Variants in TSG101 observed in about 807,000 individuals in gnomAD.
TSG101 encodes the protein tumor susceptibility gene 101 protein.
TSG101 carries 19 observed loss-of-function variants against 48.5 expected under a neutral mutation model. That is an observed-to-expected ratio of 0.39 (90% CI 0.27 to 0.58). The LOEUF is 0.58. Ranked by LOEUF, TSG101 falls within the 20% of genes least tolerant of loss-of-function variation. The pLI is 0.55. For synonymous variants in TSG101, 174 were observed against 169.4 expected, an observed-to-expected ratio of 1.03 and a Z score of -0.21; for missense variants, 365 against 484.4, an observed-to-expected ratio of 0.75 and a Z score of 2.31.
chr11:18,505,197 A>T (rs1257382724), intron 6 of TSG101, among the ~76,000 whole-genome samples: 1 of 152,180 alleles, frequency 6.6e-6, no homozygotes, highest in Non-Finnish European at 1.5e-5. Context: ...TAGTAGAGTT[A>T]AATTTTCCTT....
At chr11:18,519,987 T>G (rs1041775418) in intron 1 of TSG101, among the ~76,000 whole-genome samples, 2 of 152,142 alleles carry the variant, frequency 1.3e-5, no homozygotes, top group African/African-American at 4.8e-5. Flanking sequence ...ACATTTGGAG[T>G]TGTGTAACCA....
chr11:18,519,372 A>T lies in TSG101; in HGVS notation c.127+147T>A, dbSNP rs1384385459. 3 of 639,206 alleles carry T rather than the reference A, an allele frequency of 4.7e-6. No homozygotes were observed. In the African/African-American group the frequency reaches 5.7e-5, roughly 12 times the overall value. The allele number at this position is 639,206 out of a possible 1,614,324, so 39.6% of individuals were successfully genotyped here. The stretch of plus-strand genomic sequence containing the variant: ...TGAAATGTTTTTATTAGATCTTCTA[A>T]TTTGCTACCCTCCAACAGTTTTATT... On this transcript the variant is annotated intron_variant, in intron 2 of 9. Transcript: ENST00000251968.
intron 7 of TSG101, among the ~76,000 whole-genome samples, chr11:18,502,025 ACTGC>A (rs758685351): frequency 6.6e-6 from 1 of 152,222 alleles, no homozygotes; most frequent in Admixed American, 6.5e-5. Flanking sequence ...AAATTCTCTC[ACTGC>A]CTTAGTTTTT....
intron 7 of TSG101, among the ~76,000 whole-genome samples, chr11:18,492,749 A>T (rs1452997432): frequency 2.7e-5 from 4 of 150,618 alleles, no homozygotes; most frequent in Non-Finnish European, 4.4e-5. Flanking sequence ...AAACTTTAAA[A>T]AATCGAACTA....
chr11:18,502,109 C>T (rs576948633), intron 7 of TSG101, among the ~76,000 whole-genome samples: 88 of 152,184 alleles, frequency 5.8e-4, no homozygotes, highest in Non-Finnish European at 1.1e-3. Flanking sequence ...TACTGGTCTT[C>T]AATCATTTGT....
intron 5 of TSG101, among the ~76,000 whole-genome samples, chr11:18,508,246 G>C (rs999357206): frequency 7.3e-6 from 1 of 136,288 alleles, no homozygotes; most frequent in Non-Finnish European, 1.5e-5. Context: ...TTTTGATACA[G>C]AGTCTTGCTC....
At position 18,499,381 on chromosome 11, in the gene TSG101, A is replaced by AATATATATATATATATATAT. The variant is rs1229188041; in HGVS notation, c.640+3085_640+3104dup. Among the ~76,000 whole-genome samples the AATATATATATATATATATAT allele has an allele frequency of 4.8e-3, 59 of 12,286 alleles. 10 individuals carry two copies. The highest frequency in any genetic ancestry group is 0.011 in the South Asian group (3 of 280). 8.1% of individuals were successfully genotyped at this position (12,286 alleles called of 152,430 possible). ...TTATATATAAATATGTTTATATTTA[A>AATATATATATATATATATAT]ATATATATATATATATATATATTTT... On this transcript the variant is annotated intron_variant, in intron 7 of 9. Transcript: ENST00000251968.
chr11:18,509,400 G>A (rs1469106162), intron 5 of TSG101, 142 bp downstream of exon 5: 5 of 1,109,902 alleles, frequency 4.5e-6, no homozygotes, highest in Non-Finnish European at 4.9e-6. Flanking sequence ...TGCAGATGTG[G>A]GGCCTCAGAA....
chr11:18,482,057 T>C (rs1020053548), intron 8 of TSG101, among the ~76,000 whole-genome samples, 188 bp from the exon 9 acceptor site: 2 of 152,132 alleles, frequency 1.3e-5, no homozygotes, highest in East Asian at 1.9e-4. Flanking sequence ...CTGAGTGAAA[T>C]AGAGTAATGA....
chr11:18,501,274 T>C (rs1205650348), intron 7 of TSG101, among the ~76,000 whole-genome samples: 4 of 152,218 alleles, frequency 2.6e-5, no homozygotes, highest in African/African-American at 9.6e-5. Context: ...CTTTAATCCA[T>C]CTCAAGTTGA....
chr11:18,515,539 T>A (rs918469738), intron 3 of TSG101, among the ~76,000 whole-genome samples: 1 of 152,206 alleles, frequency 6.6e-6, no homozygotes, highest in Admixed American at 6.5e-5. Flanking sequence ...ATCACCAACA[T>A]CACAACCATA....
In TSG101 at chr11:18,526,939, C is replaced by G. The variant is rs543815401; in HGVS notation, c.-123G>C. ...CTCAAACAACAGGAAGTCGGCACCACTACACCACTTCCGCTTCCACTACGT... is the reference window on the plus strand; with the variant it reads ...CTCAAACAACAGGAAGTCGGCACCAGTACACCACTTCCGCTTCCACTACGT... On this transcript the variant is annotated 5_prime_UTR_variant, in exon 1 of 10. Transcript: ENST00000251968. The G allele has an allele frequency of 9.6e-7, 1 of 1,039,578 alleles. No homozygotes were observed. Among genetic ancestry groups the G allele is most frequent in the Non-Finnish European group, 1.4e-6 (1 of 714,878 alleles). The allele number at this position is 1,039,578 out of a possible 1,614,324, so 64.4% of individuals were successfully genotyped here. A position where few individuals can be genotyped will look rare whatever the true frequency, so the allele number is the denominator to read the frequency against.
Position 18,484,060 on chromosome 11 carries a change from T to A in TSG101, c.653A>T (p.Asp218Val). The change falls in exon 8 of 10, where the codon GAT becomes GTT. Residue 218 changes from aspartate (D) to valine (V), a missense_variant. Coordinates refer to ENST00000251968, the MANE Select transcript of TSG101 (RefSeq NM_006292.4). ...PPVTTVGPSR[D>V]GTISEDTIRA... ...GATGGTGTCCTCGCTGATTGTGCCATCCCTACTGGGACCTGCAGGAAACAG... is the reference window on the plus strand; with the variant it reads ...GATGGTGTCCTCGCTGATTGTGCCAACCCTACTGGGACCTGCAGGAAACAG... 1 of 1,614,132 alleles carries A rather than the reference T, an allele frequency of 6.2e-7. No individual in the cohort carries two copies. The highest frequency in any genetic ancestry group is 8.5e-7 in the Non-Finnish European group (1 of 1,180,020).
At chr11:18,502,600 T>C (rs760396916) in intron 6 of TSG101, 23 bp from the exon 7 acceptor site, 8 of 1,575,732 alleles carry the variant, frequency 5.1e-6, no homozygotes, top group African/African-American at 1.4e-5. Flanking sequence ...ACAAAAAACA[T>C]TTAACATTTA....
At chr11:18,488,857 G>T (rs1435770475) in intron 7 of TSG101, among the ~76,000 whole-genome samples, 3 of 152,104 alleles carry the variant, frequency 2.0e-5, no homozygotes, top group African/African-American at 7.2e-5. Flanking sequence ...CGGGCGCAGT[G>T]GCTCACACCT....
In TSG101 at chr11:18,526,851, G is replaced by A. The variant is rs200880173; in HGVS notation, c.-35C>T. 2.7e-4 allele frequency: 428 copies of A among 1,593,364 alleles called. 2 individuals are homozygous for A. The South Asian group carries it at 3.1e-3, about 12-fold the overall frequency. ...CTGGCGACTCCCTTCCCCGCAGGCAGAGGGTCAGCCGCTGCTGGGCTGCCC... is the reference window on the plus strand; with the variant it reads ...CTGGCGACTCCCTTCCCCGCAGGCAAAGGGTCAGCCGCTGCTGGGCTGCCC... On this transcript the variant is annotated 5_prime_UTR_variant, in exon 1 of 10. Coordinates refer to ENST00000251968, the MANE Select transcript of TSG101 (RefSeq NM_006292.4).
At position 18,481,771 on chromosome 11, in the gene TSG101, G is replaced by A. The variant is rs139478645; in HGVS notation, c.942C>T (p.Ile314=). The A allele has an allele frequency of 9.5e-5, 154 of 1,614,094 alleles. No individual in the cohort carries two copies. The highest frequency in any genetic ancestry group is 7.7e-4 in the Admixed American group (46 of 60,016). ...KMENQSENND[I]DEVIIPTAPL... ...GAGCTGTGGGAATGATAACTTCATC[G>A]ATATCATTGTTTTCAGACTGATTTT... Residue 314 remains isoleucine (I), a synonymous_variant, in exon 9 of 10, where the codon ATC becomes ATT. Transcript: ENST00000251968.
Position 18,480,579 on chromosome 11 carries a change from T to A in TSG101, c.1140A>T (p.Ala380=). 6.2e-7 allele frequency: 1 copy of A among 1,614,056 alleles called. No individual in the cohort carries two copies. The highest frequency in any genetic ancestry group is 8.5e-7 in the Non-Finnish European group (1 of 1,179,982). The change falls in exon 10 of 10, where the codon GCA becomes GCT. Residue 380 remains alanine (A), a synonymous_variant. Transcript: ENST00000251968. ...QFQLRALMQK[A]RKTAGLSDLY ...GGTCACTGAGACCGGCAGTCTTTCT[T>A]GCTTTTTGCATTAGTGCCCTCAGCT...
At chr11:18,522,099 T>C (rs956745636) in intron 1 of TSG101, among the ~76,000 whole-genome samples, 15 of 152,362 alleles carry the variant, frequency 9.8e-5, no homozygotes, top group African/African-American at 3.4e-4. Flanking sequence ...CCAATTATTA[T>C]TGAGCACAGG....
Sources: allele counts gnomAD v4.1 joint callset (sites outside exome capture counted in the v4.1 genomes callset), GRCh38; gene constraint gnomAD v4.1.1; transcripts MANE v1.5; gene names NCBI Gene and HGNC (gene_info 2026-07-23, HGNC 2026-07-21).